The following TBC1D5 variants were observed in gnomAD, a reference collection of about 807,000 sequenced individuals.
TBC1D5 encodes TBC1 domain family, member 5.
A neutral mutation model predicts 100.3 loss-of-function variants in TBC1D5; 75 were observed. The observed-to-expected ratio is 0.75, with a 90% CI of 0.62 to 0.91. The LOEUF is 0.91. Ranked by LOEUF, TBC1D5 falls within the 40% of genes least tolerant of loss-of-function variation. TBC1D5 has a pLI of 0.00. For missense variants in TBC1D5, 910 were observed against 942.4 expected, an observed-to-expected ratio of 0.97 and a Z score of 0.45; for synonymous variants, 323 against 325.6, an observed-to-expected ratio of 0.99 and a Z score of 0.09.
chr3:17,213,337 T>C (rs2125988255), intron 18 of TBC1D5, among the ~76,000 whole-genome samples: 1 of 152,318 alleles, frequency 6.6e-6, no homozygotes, highest in South Asian at 2.1e-4. Context: ...TCTGAATGTA[T>C]CATTGTTGTT....
chr3:17,699,582 C>T (rs2072811784), intron 1 of TBC1D5, among the ~76,000 whole-genome samples: 1 of 144,228 alleles, frequency 6.9e-6, no homozygotes, highest in Admixed American at 7.0e-5. Context: ...TAATAATTGA[C>T]CTATTATCCT....
At chr3:17,220,332 T>G (rs2074133260) in intron 17 of TBC1D5, among the ~76,000 whole-genome samples, 1 of 152,150 alleles carries the variant, frequency 6.6e-6, no homozygotes, top group Non-Finnish European at 1.5e-5. Context: ...TTTATATATG[T>G]GAACGTGTAT....
At chr3:17,548,367 C>T (rs2096439258) in intron 2 of TBC1D5, among the ~76,000 whole-genome samples, 1 of 152,076 alleles carries the variant, frequency 6.6e-6, no homozygotes, top group Non-Finnish European at 1.5e-5. Context: ...AACAAGCATA[C>T]CTGATGGCAA....
chr3:17,250,440 A>G (rs2077084272), intron 16 of TBC1D5, among the ~76,000 whole-genome samples: 1 of 152,210 alleles, frequency 6.6e-6, no homozygotes, highest in Non-Finnish European at 1.5e-5. Context: ...AGCATTTTCA[A>G]TGGCCTGTAA....
chr3:17,521,409 T>C (rs2096062278), intron 2 of TBC1D5, among the ~76,000 whole-genome samples: 1 of 152,216 alleles, frequency 6.6e-6, no homozygotes, highest in African/African-American at 2.4e-5. Context: ...TTAATAACAT[T>C]TCCTTTTCTC....
intron 15 of TBC1D5, among the ~76,000 whole-genome samples, chr3:17,268,313 G>A (rs1183379994): frequency 1.3e-5 from 2 of 152,128 alleles, no homozygotes; most frequent in Non-Finnish European, 1.5e-5. Context: ...CCAATTACAT[G>A]CTGCTTACAT....
intron 3 of TBC1D5, among the ~76,000 whole-genome samples, chr3:17,461,268 T>C (rs2095203652): frequency 6.6e-6 from 1 of 152,244 alleles, no homozygotes; most frequent in Non-Finnish European, 1.5e-5. Flanking sequence ...CACACATATA[T>C]GAACGTGCAA....
At chr3:17,476,254 A>G (rs905911974) in intron 3 of TBC1D5, among the ~76,000 whole-genome samples, 5 of 151,586 alleles carry the variant, frequency 3.3e-5, no homozygotes, top group African/African-American at 1.2e-4. Flanking sequence ...TTTTCTTCTA[A>G]AAGTTTTATA....
intron 21 of TBC1D5, among the ~76,000 whole-genome samples, chr3:17,162,249 T>C (rs1432121679): frequency 6.6e-6 from 1 of 152,300 alleles, no homozygotes; most frequent in South Asian, 2.1e-4. Flanking sequence ...TAATGAGATA[T>C]ATGGAGACCG....
At position 17,469,199 on chromosome 3, in the gene TBC1D5, T is replaced by C. The variant is rs2095344155; in HGVS notation, c.97+39275A>G. Reference sequence around the variant, plus strand: ...AAAAAGATACATGTTAATTATAGACTATCAAATCAATAGTAAGAAATCAGC... The same window carrying C: ...AAAAAGATACATGTTAATTATAGACCATCAAATCAATAGTAAGAAATCAGC... On this transcript the variant is annotated intron_variant, in intron 3 of 21. Coordinates refer to ENST00000253692, the Ensembl canonical transcript of TBC1D5. Among the ~76,000 whole-genome samples, 2 of 152,160 alleles carry C rather than the reference T, an allele frequency of 1.3e-5. 1 individual carries two copies. Among genetic ancestry groups the C allele is most frequent in the South Asian group, 4.1e-4 (2 of 4,826 alleles).
At chr3:17,732,211 A>G (rs2076619646) in intron 1 of TBC1D5, among the ~76,000 whole-genome samples, 1 of 152,044 alleles carries the variant, frequency 6.6e-6, no homozygotes, top group African/African-American at 2.4e-5. Context: ...CCAGCTACCC[A>G]GGAGGCTGAG....
chr3:17,238,314 A>G (rs2076041415), exon 17 of TBC1D5: 2 of 1,613,882 alleles, frequency 1.2e-6, no homozygotes, highest in African/African-American at 1.3e-5. Context: ...GTACAGGGCC[A>G]CCTGCACTGC....
chr3:17,652,830 C>G (rs577760701), intron 1 of TBC1D5, among the ~76,000 whole-genome samples: 2 of 152,226 alleles, frequency 1.3e-5, no homozygotes, highest in Non-Finnish European at 2.9e-5. Flanking sequence ...TACCATATGA[C>G]CCAACAATTC....
chr3:17,318,781 G>A (rs1444509339), intron 13 of TBC1D5, among the ~76,000 whole-genome samples: 1 of 152,100 alleles, frequency 6.6e-6, no homozygotes. Context: ...CACAGGATTC[G>A]GAATGCATAG....
At chr3:17,342,041 A>G (rs1240804213) in intron 13 of TBC1D5, among the ~76,000 whole-genome samples, 1 of 152,138 alleles carries the variant, frequency 6.6e-6, no homozygotes. Flanking sequence ...CCCTGCTGCC[A>G]TCTTATTTAG....
chr3:17,400,995 A>G (rs1031200636), intron 8 of TBC1D5, among the ~76,000 whole-genome samples: 2 of 151,954 alleles, frequency 1.3e-5, no homozygotes, highest in Admixed American at 1.3e-4. Flanking sequence ...CAGATGGCCT[A>G]TTGTGGGACT....
intron 2 of TBC1D5, among the ~76,000 whole-genome samples, chr3:17,601,374 G>A (rs1191177684): frequency 1.3e-5 from 2 of 152,152 alleles, no homozygotes; most frequent in Admixed American, 1.3e-4. Flanking sequence ...AGCCGGGCGT[G>A]GTGGCACATG....
At chr3:17,521,332 G>A (rs1051514090) in intron 2 of TBC1D5, among the ~76,000 whole-genome samples, 8 of 152,146 alleles carry the variant, frequency 5.3e-5, no homozygotes, top group African/African-American at 1.7e-4. Flanking sequence ...CCTACTCAAT[G>A]TGAAGCCAAC....
chr3:17,704,113 G>C (rs2073619746), intron 1 of TBC1D5, among the ~76,000 whole-genome samples: 1 of 141,962 alleles, frequency 7.0e-6, no homozygotes, highest in South Asian at 2.5e-4. Flanking sequence ...ATTAGGGATT[G>C]GTGATGACTC....
Sources: allele counts gnomAD v4.1 joint callset (sites outside exome capture counted in the v4.1 genomes callset), GRCh38; gene constraint gnomAD v4.1.1; transcripts MANE v1.5; gene names NCBI Gene and HGNC (gene_info 2026-07-23, HGNC 2026-07-21).